KCNN2: variants seen among roughly 807,000 people sequenced by gnomAD.
The protein encoded by KCNN2 is potassium calcium-activated channel subfamily N member 2.
A neutral mutation model predicts 55.5 loss-of-function variants in KCNN2; 24 were observed. The observed-to-expected ratio is 0.43, with a 90% CI of 0.31 to 0.61. KCNN2 has a LOEUF of 0.61. KCNN2 is among the 20% of genes least tolerant of loss of function. The probability of loss-of-function intolerance (pLI) is 0.08; values close to 1 mark genes in which losing one functional copy is unlikely to be tolerated. For missense variants in KCNN2, 754 were observed against 853.6 expected (o/e 0.88, Z 1.45); for synonymous variants, 431 against 336.1 (o/e 1.28, Z -3.09).
intron 2 of KCNN2, among the ~76,000 whole-genome samples, chr5:114,313,618 A>G (rs1756447068): frequency 6.6e-6 from 1 of 152,150 alleles, no homozygotes; most frequent in Non-Finnish European, 1.5e-5. Context: ...ATCTGGGCCA[A>G]TCTACAAGAT....
At chr5:114,100,738 C>T (rs964425383) in intron 1 of KCNN2, among the ~76,000 whole-genome samples, 1 of 151,982 alleles carries the variant, frequency 6.6e-6, no homozygotes, top group African/African-American at 2.4e-5. Flanking sequence ...GATTCCGGGT[C>T]AGAGGAGAAG....
chr5:114,297,293 G>A (rs75050424), intron 2 of KCNN2, among the ~76,000 whole-genome samples: 3,343 of 152,144 alleles, frequency 0.022, 119 homozygotes, highest in African/African-American at 0.076. Flanking sequence ...ACTGCAGCCT[G>A]GGTGATAGGG....
chr5:114,066,579 T>A (rs1055210046), intron 1 of KCNN2, among the ~76,000 whole-genome samples: 1 of 152,250 alleles, frequency 6.6e-6, no homozygotes, highest in Non-Finnish European at 1.5e-5. Flanking sequence ...TTTCTTTTTT[T>A]TCTTTTCTTT....
At chr5:114,083,504 C>T (rs564563754) in intron 1 of KCNN2, among the ~76,000 whole-genome samples, 1 of 151,920 alleles carries the variant, frequency 6.6e-6, no homozygotes, top group South Asian at 2.1e-4. Context: ...TCCTTGTTAA[C>T]CTGATTTTGG....
chr5:114,170,947 T>C (rs1179584422), intron 1 of KCNN2, among the ~76,000 whole-genome samples: 1 of 151,982 alleles, frequency 6.6e-6, no homozygotes, highest in African/African-American at 2.4e-5. Context: ...AATTCTTTTT[T>C]ATCATATAGG....
intron 2 of KCNN2, among the ~76,000 whole-genome samples, chr5:114,245,377 G>A (rs1017874548): frequency 4.6e-5 from 7 of 152,136 alleles, no homozygotes; most frequent in Non-Finnish European, 7.4e-5. Context: ...TTGCATTTGT[G>A]TAGCATTTTA....
chr5:114,339,667 G>A (rs149885504), intron 2 of KCNN2, among the ~76,000 whole-genome samples: 5,641 of 152,058 alleles, frequency 0.037, 141 homozygotes, highest in Non-Finnish European at 0.052. Flanking sequence ...GCCAGGCATG[G>A]TGGTGTATGC....
At chr5:114,427,878 C>A (rs1209371649) in intron 3 of KCNN2, among the ~76,000 whole-genome samples, 2 of 152,160 alleles carry the variant, frequency 1.3e-5, no homozygotes, top group Non-Finnish European at 2.9e-5. Flanking sequence ...TTCCATTATA[C>A]ATAAATTGGT....
intron 3 of KCNN2, among the ~76,000 whole-genome samples, chr5:114,423,319 G>A (rs1053906610): frequency 6.6e-6 from 1 of 152,050 alleles, no homozygotes; most frequent in Non-Finnish European, 1.5e-5. Flanking sequence ...ATGGGAATAT[G>A]GGTTCCTACT....
intron 1 of KCNN2, among the ~76,000 whole-genome samples, chr5:114,099,791 A>G (rs546298316): frequency 1.3e-5 from 2 of 152,264 alleles, no homozygotes; most frequent in South Asian, 2.1e-4. Context: ...TGTCTATATA[A>G]TGACCATAGG....
At chr5:114,213,838 T>C (rs1402702897) in intron 1 of KCNN2, among the ~76,000 whole-genome samples, 3 of 152,098 alleles carry the variant, frequency 2.0e-5, no homozygotes, top group Non-Finnish European at 4.4e-5. Flanking sequence ...TAGTAACCTC[T>C]ACTATATGAA....
At chr5:114,195,081 T>C (rs1352742716) in intron 1 of KCNN2, among the ~76,000 whole-genome samples, 1 of 151,994 alleles carries the variant, frequency 6.6e-6, no homozygotes, top group Non-Finnish European at 1.5e-5. Flanking sequence ...CACACTGTAT[T>C]AATTACTGTA....
At chr5:114,149,599 T>G (rs962030930) in intron 1 of KCNN2, among the ~76,000 whole-genome samples, 3 of 152,118 alleles carry the variant, frequency 2.0e-5, no homozygotes, top group Non-Finnish European at 1.5e-5. Flanking sequence ...GGTGAGATGG[T>G]CACATGGGAA....
exon 1 of KCNN2, chr5:114,056,088 G>A: frequency 5.9e-6 from 2 of 336,574 alleles, no homozygotes; most frequent in Non-Finnish European, 1.1e-5. Context: ...GGGGCGCCTG[G>A]GATTCGGTTC....
intron 1 of KCNN2, among the ~76,000 whole-genome samples, chr5:114,190,827 T>C (rs1753435350): frequency 6.6e-6 from 1 of 152,188 alleles, no homozygotes; most frequent in Non-Finnish European, 1.5e-5. Context: ...GGAATAGCTA[T>C]GGTACTTCTA....
intron 1 of KCNN2, among the ~76,000 whole-genome samples, chr5:114,189,501 A>G (rs570496882): frequency 9.5e-4 from 145 of 152,318 alleles, no homozygotes; most frequent in Middle Eastern, 3.4e-3. Context: ...CTTCACAGAC[A>G]TACCCTGTCA....
At position 114,316,226 on chromosome 5, in the gene KCNN2, A is replaced by G. The variant is rs754877136; in HGVS notation, c.-184-44719A>G. On this transcript the variant is annotated intron_variant, in intron 2 of 10. Transcript: ENST00000512097. ...TACCTTATAAAATTAATAGGTGTGG[A>G]TTGTTATAAATTTATTTTTAGTAAT... 3.3e-5 allele frequency among the ~76,000 whole-genome samples: 5 copies of G among 152,234 alleles called. No individual in the cohort carries two copies. The South Asian group carries it at 1.0e-3, about 32-fold the overall frequency.
chr5:114,240,404 G>T (rs950977261), intron 2 of KCNN2, among the ~76,000 whole-genome samples: 3 of 143,354 alleles, frequency 2.1e-5, no homozygotes, highest in African/African-American at 7.7e-5. Context: ...TAAAAAGAAA[G>T]CTCAAATTAT....
chr5:114,236,454 T>G (rs1014551323), intron 2 of KCNN2, among the ~76,000 whole-genome samples: 3 of 152,092 alleles, frequency 2.0e-5, no homozygotes, highest in Non-Finnish European at 4.4e-5. Flanking sequence ...ATATGCTCAT[T>G]GTTGATCCAC....
Sources: gnomAD v4.1 joint callset for allele counts (sites outside exome capture counted in the v4.1 genomes callset) on GRCh38, gnomAD v4.1.1 for gene constraint, MANE v1.5 for transcripts, NCBI Gene and HGNC (gene_info 2026-07-23, HGNC 2026-07-21) for gene names.